Variants in ACOT7 observed in about 807,000 individuals in gnomAD.
ACOT7 encodes acyl-CoA thioesterase 7.
In ACOT7, 12 loss-of-function variants were observed where a neutral mutation model predicts 40.2. The observed-to-expected ratio is 0.30, with a 90% CI of 0.19 to 0.48. The LOEUF (loss-of-function observed/expected upper bound fraction) is 0.48. Among genes scored for constraint, ACOT7 ranks in the 20% least tolerant of loss-of-function variants. ACOT7 has a pLI of 0.99. For synonymous variants in ACOT7, 228 were observed against 219.5 expected, an observed-to-expected ratio of 1.04 and a Z score of -0.34; for missense variants, 395 against 530.8, an observed-to-expected ratio of 0.74 and a Z score of 2.51.
At chr1:6,372,582 G>A (rs1221442131) in intron 1 of ACOT7, among the ~76,000 whole-genome samples, 13 of 134,470 alleles carry the variant, frequency 9.7e-5, no homozygotes, top group East Asian at 6.2e-4. Context: ...TGAGAGTCTC[G>A]CTCTGTCGCC....
rs1001567999 is a variant in ACOT7, at chr1:6,301,474, C to T, written c.713-6494G>A. 2.0e-4 allele frequency among the ~76,000 whole-genome samples: 30 copies of T among 152,208 alleles called. No individual in the cohort carries two copies. Among genetic ancestry groups the T allele is most frequent in the Non-Finnish European group, 2.5e-4 (17 of 68,042 alleles). On this transcript the variant is annotated intron_variant, in intron 6 of 8. Coordinates refer to ENST00000361521, the MANE Select transcript of ACOT7 (RefSeq NM_007274.4). This position sits in a 1 kb window ranked among gnomAD's most constrained non-coding sequence, Gnocchi z 4.1. Reference sequence around the variant, plus strand: ...GAATACCCTCTTCACCACCCCCATGCTCCTGCAGGCTCCACACGGCACCCC... The same window carrying T: ...GAATACCCTCTTCACCACCCCCATGTTCCTGCAGGCTCCACACGGCACCCC...
chr1:6,327,163 A>G, intron 5 of ACOT7, 136 bp downstream of exon 5: 1 of 880,150 alleles, frequency 1.1e-6, no homozygotes, highest in Non-Finnish European at 1.8e-6. Flanking sequence ...GGGACCCCAG[A>G]GAAACTGGTT....
At chr1:6,335,059 G>A (rs1374861119) in intron 3 of ACOT7, among the ~76,000 whole-genome samples, 1 of 152,046 alleles carries the variant, frequency 6.6e-6, no homozygotes, top group Non-Finnish European at 1.5e-5. Context: ...GGCTGGGCAC[G>A]GTGGCTCACA....
At chr1:6,332,478 G>A (rs1414436846) in intron 4 of ACOT7, among the ~76,000 whole-genome samples, 2 of 152,186 alleles carry the variant, frequency 1.3e-5, no homozygotes, top group African/African-American at 4.8e-5. Flanking sequence ...CCACAGGCCC[G>A]CCCATGGCAG....
chr1:6,350,412 C>A (rs760310529), intron 1 of ACOT7, among the ~76,000 whole-genome samples: 1 of 152,206 alleles, frequency 6.6e-6, no homozygotes, highest in African/African-American at 2.4e-5. Flanking sequence ...CTGTGGGTCC[C>A]GGGGGCAGTG....
chr1:6,336,825 T>C (rs112581219), intron 3 of ACOT7, among the ~76,000 whole-genome samples: 3 of 152,024 alleles, frequency 2.0e-5, no homozygotes, highest in African/African-American at 4.8e-5. Context: ...AAGAGAACAA[T>C]AGAGACTGCA....
chr1:6,306,976 A>G lies in ACOT7; in HGVS notation c.712+11516T>C, dbSNP rs760678435. On this transcript the variant is annotated intron_variant, in intron 6 of 8. Transcript: ENST00000361521. The surrounding 1 kb of genome is among the most constrained non-coding windows in gnomAD (Gnocchi z 4.3). ...GGAGGCCTCACTTGCGTCCCCTCCCATGTTTTCTCTGCCTTCCCTTTCCTC... is the reference window on the plus strand; with the variant it reads ...GGAGGCCTCACTTGCGTCCCCTCCCGTGTTTTCTCTGCCTTCCCTTTCCTC... 131 of 1,231,006 alleles carry G rather than the reference A, an allele frequency of 1.1e-4. No individual in the cohort carries two copies. Among genetic ancestry groups the G allele is most frequent in the Non-Finnish European group, 1.3e-4 (123 of 937,446 alleles). 76.3% of individuals were successfully genotyped at this position (1,231,006 alleles called of 1,614,324 possible). A position where few individuals can be genotyped will look rare whatever the true frequency, so the allele number is the denominator to read the frequency against.
rs929140763 is a variant in ACOT7, at chr1:6,275,053, TC to T, written c.1014+6048del. Among the ~76,000 whole-genome samples, 14 of 152,116 alleles carry T rather than the reference TC, an allele frequency of 9.2e-5. No homozygotes were observed. Among genetic ancestry groups the T allele is most frequent in the Non-Finnish European group, 1.0e-4 (7 of 67,998 alleles). Reference sequence around the variant, plus strand: ...AGTGACTCCCTGCCTGGTGCCCGCCTCCTGTCTGGGGATGGGAAGCATCTGT... The same window carrying T: ...AGTGACTCCCTGCCTGGTGCCCGCCTCTGTCTGGGGATGGGAAGCATCTGT... On this transcript the variant is annotated intron_variant, in intron 8 of 8. Transcript: ENST00000361521. The surrounding 1 kb of genome is among the most constrained non-coding windows in gnomAD (Gnocchi z 5.6).
chr1:6,358,120 C>T lies in ACOT7; in HGVS notation c.144-8254G>A, dbSNP rs756671089. Among the ~76,000 whole-genome samples, 1 of 152,080 alleles carries T rather than the reference C, an allele frequency of 6.6e-6. No homozygotes were observed. The highest frequency in any genetic ancestry group is 1.5e-5 in the Non-Finnish European group (1 of 68,024). ...CTGACCTCAGTTGATCCACCTGCCT[C>T]GGCCTCCCAAAGTGCTGAGATTACA... On this transcript the variant is annotated intron_variant, in intron 1 of 8. Transcript: ENST00000361521. The surrounding 1 kb of genome is among the most constrained non-coding windows in gnomAD (Gnocchi z 4.1).
chr1:6,358,255 G>C lies in ACOT7; in HGVS notation c.144-8389C>G, dbSNP rs186006251. Among the ~76,000 whole-genome samples the C allele has an allele frequency of 1.0e-3, 154 of 152,208 alleles. No individual in the cohort carries two copies. The highest frequency in any genetic ancestry group is 3.6e-3 in the African/African-American group (149 of 41,532). On this transcript the variant is annotated intron_variant, in intron 1 of 8. Transcript: ENST00000361521. The surrounding 1 kb of genome is among the most constrained non-coding windows in gnomAD (Gnocchi z 4.1). ...GACACGCCACTGCATCTCCAGAAGA[G>C]GGAAGGGTGGGAGGAAGGGCTGTGC...
At chr1:6,372,265 T>C (rs1021818299) in intron 1 of ACOT7, among the ~76,000 whole-genome samples, 1 of 152,168 alleles carries the variant, frequency 6.6e-6, no homozygotes, top group Non-Finnish European at 1.5e-5. Flanking sequence ...TTCATAGAAT[T>C]GAAGAGAGTT....
chr1:6,316,086 T>A (rs572411948), intron 6 of ACOT7, among the ~76,000 whole-genome samples: 1 of 152,290 alleles, frequency 6.6e-6, no homozygotes, highest in South Asian at 2.1e-4. Context: ...AAATGCCCCA[T>A]TTAGTGAAGA....
intron 8 of ACOT7, among the ~76,000 whole-genome samples, chr1:6,268,689 C>T (rs887945819): frequency 3.3e-5 from 5 of 152,364 alleles, no homozygotes; most frequent in South Asian, 2.1e-4. Context: ...ACGGCCCGAA[C>T]GGCAGGGAGA....
intron 7 of ACOT7, among the ~76,000 whole-genome samples, chr1:6,283,179 T>C (rs1376755767): frequency 6.6e-6 from 1 of 152,174 alleles, no homozygotes; most frequent in East Asian, 1.9e-4. Flanking sequence ...TGTTTTTGTT[T>C]TTGAGATGGA....
At position 6,288,175 on chromosome 1, in the gene ACOT7, C is replaced by A. The variant is rs1639559325; in HGVS notation, c.829+6689G>T. On this transcript the variant is annotated intron_variant, in intron 7 of 8. Coordinates refer to ENST00000361521, the MANE Select transcript of ACOT7 (RefSeq NM_007274.4). This position sits in a 1 kb window ranked among gnomAD's most constrained non-coding sequence, Gnocchi z 4.3. The stretch of plus-strand genomic sequence containing the variant: ...CTCCCACTCTGTGGGTGCTACCGGG[C>A]TCCACGTGCCTTCCCCTGTGCTGGT... 6.6e-6 allele frequency among the ~76,000 whole-genome samples: 1 copy of A among 152,232 alleles called. No homozygotes were observed. The highest frequency in any genetic ancestry group is 2.4e-5 in the African/African-American group (1 of 41,470).
chr1:6,321,618 C>A (rs997499191), intron 5 of ACOT7, among the ~76,000 whole-genome samples: 90 of 152,320 alleles, frequency 5.9e-4, no homozygotes, highest in Admixed American at 2.1e-3. Context: ...GGGTTCACGC[C>A]ATTCTCCTGC....
At chr1:6,382,842 T>C (rs1642363857) in intron 1 of ACOT7, among the ~76,000 whole-genome samples, 1 of 151,722 alleles carries the variant, frequency 6.6e-6, no homozygotes, top group South Asian at 2.1e-4. Context: ...ATCTTAACCA[T>C]ATACATATAC....
At chr1:6,332,409 T>C (rs1640980247) in intron 4 of ACOT7, among the ~76,000 whole-genome samples, 1 of 152,232 alleles carries the variant, frequency 6.6e-6, no homozygotes, top group South Asian at 2.1e-4. Flanking sequence ...GAATTAAATT[T>C]CTTTATTCCC....
At chr1:6,389,257 A>G (rs1048560697) in intron 1 of ACOT7, among the ~76,000 whole-genome samples, 4 of 151,916 alleles carry the variant, frequency 2.6e-5, no homozygotes, top group Admixed American at 6.6e-5. Flanking sequence ...ATCTGCATCT[A>G]AGAGCATGGC....
Sources: gnomAD v4.1 joint callset for allele counts (sites outside exome capture counted in the v4.1 genomes callset) on GRCh38, gnomAD v4.1.1 for gene constraint, Gnocchi (gnomAD v3.1) non-coding constraint, MANE v1.5 for transcripts, NCBI Gene and HGNC (gene_info 2026-07-23, HGNC 2026-07-21) for gene names.